MED17: variants seen among roughly 807,000 people sequenced by gnomAD.
MED17 encodes mediator of RNA polymerase II transcription subunit 17.
Under a neutral mutation model 80.8 loss-of-function variants are expected in MED17, and 49 were observed. The ratio of observed to expected loss-of-function variants is 0.61; its 90% CI spans 0.48 to 0.77. MED17 has a LOEUF of 0.77. Among genes scored for constraint, MED17 ranks in the 30% least tolerant of loss-of-function variants. The pLI is 0.00. For missense variants in MED17, 718 were observed against 787.0 expected (o/e 0.91, Z 1.05); for synonymous variants, 281 against 280.4 (o/e 1.00, Z -0.02).
At chr11:93,787,453 G>C (rs1591381864) in intron 1 of MED17, among the ~76,000 whole-genome samples, 2 of 152,188 alleles carry the variant, frequency 1.3e-5, no homozygotes, top group African/African-American at 4.8e-5. Flanking sequence ...CGCTCCATCT[G>C]TTAATAGTGG....
rs1334567148 is a variant in MED17 at position 93,812,072 on chromosome 11, C to T, written c.*8C>T. ...AGCCCTTGTCTACTATGATTTTTTC[C>T]AGATGTTTCCTAAAGAAGTTTCCAG... On this transcript the variant is annotated 3_prime_UTR_variant, in exon 12 of 12. Coordinates refer to ENST00000251871, the MANE Select transcript of MED17 (RefSeq NM_004268.5). 2 of 1,612,214 alleles carry T rather than the reference C, an allele frequency of 1.2e-6. No individual in the cohort carries two copies. The highest frequency in any genetic ancestry group is 2.2e-5 in the East Asian group (1 of 44,850).
intron 9 of MED17, among the ~76,000 whole-genome samples, chr11:93,805,615 G>A (rs1254182562): frequency 6.6e-6 from 1 of 152,090 alleles, no homozygotes; most frequent in African/African-American, 2.4e-5. Context: ...TTTTTAATTA[G>A]TACTACCAAA....
intron 9 of MED17, 119 bp downstream of exon 9, chr11:93,802,091 T>C: frequency 1.1e-6 from 1 of 951,874 alleles, no homozygotes. Context: ...TTTCTGTAAA[T>C]TATATAAGCT....
intron 3 of MED17, 56 bp from the exon 4 acceptor site, chr11:93,793,672 G>T: frequency 6.5e-6 from 8 of 1,239,478 alleles, no homozygotes; most frequent in Non-Finnish European, 9.5e-6. Flanking sequence ...TTAATAATGT[G>T]TGTCGGAATA....
In MED17 at chr11:93,784,639, T is replaced by C. The variant is rs1943748872; in HGVS notation, c.126T>C (p.Arg42=). 1 of 1,579,330 alleles carries C rather than the reference T, an allele frequency of 6.3e-7. No individual in the cohort carries two copies. The highest frequency in any genetic ancestry group is 1.9e-5 in the Admixed American group (1 of 53,048). ...PPLSMSQNLA[R]LAQRIDFSQG... ...TGTCCATGTCGCAGAATCTGGCGCGTCTGGCCCAGCGGATAGACTTCAGCC... is the reference window on the plus strand; with the variant it reads ...TGTCCATGTCGCAGAATCTGGCGCGCCTGGCCCAGCGGATAGACTTCAGCC... Residue 42 remains arginine (R), a synonymous_variant, in exon 1 of 12, where the codon CGT becomes CGC. Transcript: ENST00000251871.
At position 93,812,172 on chromosome 11, in the gene MED17, T is replaced by A; in HGVS notation, c.*108T>A. On this transcript the variant is annotated 3_prime_UTR_variant, in exon 12 of 12. Coordinates refer to ENST00000251871, the MANE Select transcript of MED17 (RefSeq NM_004268.5). Reference sequence around the variant, plus strand: ...ATAACTTCCAAAAGAGTGCTGTTTTTAAAAATAATAATTAGGAAATGTTTA... The same window carrying A: ...ATAACTTCCAAAAGAGTGCTGTTTTAAAAAATAATAATTAGGAAATGTTTA... The A allele has an allele frequency of 3.3e-6, 3 of 909,410 alleles. No homozygotes were observed. Among genetic ancestry groups the A allele is most frequent in the Non-Finnish European group, 5.3e-6 (3 of 570,510 alleles). The allele number at this position is 909,410 out of a possible 1,614,324, so 56.3% of individuals were successfully genotyped here.
At chr11:93,787,943 C>G in intron 1 of MED17, 58 bp from the exon 2 acceptor site, 1 of 1,406,002 alleles carries the variant, frequency 7.1e-7, no homozygotes, top group Non-Finnish European at 1.0e-6. Flanking sequence ...AGTGAGCTGT[C>G]TGCCATTCAA....
chr11:93,800,618 G>C (rs540696810), intron 8 of MED17: 1 of 117,048 alleles, frequency 8.5e-6, no homozygotes, highest in East Asian at 2.5e-4. Flanking sequence ...GATAGAGTGA[G>C]ACTTTGTCTC....
chr11:93,811,559 CAAAA>C (rs1223414221), intron 11 of MED17: 1 of 376,782 alleles, frequency 2.7e-6, no homozygotes, highest in East Asian at 5.9e-5. Context: ...TGGAAACAAA[CAAAA>C]AGATGATTTC....
chr11:93,788,111 G>A lies in MED17; in HGVS notation c.361G>A (p.Asp121Asn), dbSNP rs1439244884. 7 of 1,613,650 alleles carry A rather than the reference G, an allele frequency of 4.3e-6. No individual in the cohort carries two copies. Among genetic ancestry groups the A allele is most frequent in the Non-Finnish European group, 5.9e-6 (7 of 1,179,688 alleles). ...VLYDVLSIVR[D>N]KKFMTLDPVS... ...CTATGATGTTCTCAGTATTGTTAGG[G>A]ATAAAAAATTTATGACTCTTGATCC... Residue 121 changes from aspartate (D) to asparagine (N), a missense_variant, in exon 2 of 12, where the codon GAT becomes AAT. Coordinates refer to ENST00000251871, the MANE Select transcript of MED17 (RefSeq NM_004268.5).
chr11:93,792,377 T>G (rs1003409893), intron 3 of MED17, among the ~76,000 whole-genome samples: 1 of 152,224 alleles, frequency 6.6e-6, no homozygotes, highest in Non-Finnish European at 1.5e-5. Context: ...TTTAAAAATT[T>G]TAATAGGTGG....
intron 3 of MED17, 173 bp from the exon 4 acceptor site, chr11:93,793,555 C>A: frequency 1.8e-6 from 1 of 545,880 alleles, no homozygotes; most frequent in Non-Finnish European, 3.2e-6. Context: ...CCACCTTTAT[C>A]TTTCTTTCCT....
chr11:93,794,091 A>G lies in MED17; in HGVS notation c.859+56A>G, dbSNP rs544645355. 3 of 1,365,442 alleles carry G rather than the reference A, an allele frequency of 2.2e-6. No homozygotes were observed. In the South Asian group the frequency reaches 3.6e-5, roughly 16 times the overall value. The allele number at this position is 1,365,442 out of a possible 1,614,324, so 84.6% of individuals were successfully genotyped here. A position where few individuals can be genotyped will look rare whatever the true frequency, so the allele number is the denominator to read the frequency against. On this transcript the variant is annotated intron_variant, in intron 5 of 11. Transcript: ENST00000251871. The stretch of plus-strand genomic sequence containing the variant: ...GTCTTATTTGAGCTGACATTTTAAA[A>G]TAAACTGAAGATAAATATAGGTAGG...
intron 9 of MED17, among the ~76,000 whole-genome samples, chr11:93,803,781 A>G (rs1591389146): frequency 2.0e-5 from 3 of 152,110 alleles, no homozygotes; most frequent in Admixed American, 2.0e-4. Flanking sequence ...AACTGGGATT[A>G]TGGTTACAGG....
At chr11:93,786,498 G>T (rs1943771873) in intron 1 of MED17, among the ~76,000 whole-genome samples, 1 of 149,532 alleles carries the variant, frequency 6.7e-6, no homozygotes. Flanking sequence ...ATGGAGTCTT[G>T]CTCTGTCGGC....
chr11:93,787,567 G>GTATT (rs1235656640), intron 1 of MED17, among the ~76,000 whole-genome samples: 2 of 152,170 alleles, frequency 1.3e-5, no homozygotes, highest in Non-Finnish European at 2.9e-5. Context: ...GAATGTTCAT[G>GTATT]TATTTAATCA....
At chr11:93,788,220 C>T (rs1300992864) in intron 2 of MED17, 53 bp downstream of exon 2, 6 of 1,505,114 alleles carry the variant, frequency 4.0e-6, no homozygotes, top group South Asian at 1.2e-5. Flanking sequence ...AATCCCAGGA[C>T]CCTTTTTTGG....
rs1943868609 is a variant in MED17 at position 93,793,739 on chromosome 11, C to A, written c.649C>A (p.Pro217Thr). The A allele has an allele frequency of 1.3e-6, 2 of 1,573,138 alleles. No homozygotes were observed. Among genetic ancestry groups the A allele is most frequent in the East Asian group, 4.5e-5 (2 of 44,626 alleles). Residue 217 changes from proline to threonine, a missense_variant, in exon 4 of 12, where the codon CCT becomes ACT. By Grantham distance (38) the Pro-to-Thr change is conservative (BLOSUM62 -1). Transcript: ENST00000251871. The part of the protein sequence containing the change: ...LSYRSAGSLF[P>T]HHGTFEVIKN... Reference sequence around the variant, plus strand: ...TAATACAACATTAGGATCTCTCTTTCCTCATCATGGTACATTTGAAGTAAT... The same window carrying A: ...TAATACAACATTAGGATCTCTCTTTACTCATCATGGTACATTTGAAGTAAT...
intron 3 of MED17, 171 bp from the exon 4 acceptor site, chr11:93,793,557 T>A (rs1943865423): frequency 3.4e-6 from 2 of 586,612 alleles, no homozygotes; most frequent in African/African-American, 3.7e-5. Flanking sequence ...ACCTTTATCT[T>A]TCTTTCCTTT....
Sources: allele counts gnomAD v4.1 joint callset (sites outside exome capture counted in the v4.1 genomes callset), GRCh38; gene constraint gnomAD v4.1.1; transcripts MANE v1.5; gene names NCBI Gene and HGNC (gene_info 2026-07-23, HGNC 2026-07-21).